The following ITCH variants were observed in gnomAD, a reference collection of about 807,000 sequenced individuals.
ITCH encodes itchy E3 ubiquitin protein ligase, also known as E3 ubiquitin-protein ligase Itchy homolog.
Under a neutral mutation model 126.8 loss-of-function variants are expected in ITCH, and 28 were observed. The observed-to-expected ratio is 0.22, with a 90% CI of 0.16 to 0.30. ITCH has a LOEUF of 0.30. Ranked by LOEUF, ITCH falls within the 10% of genes least tolerant of loss-of-function variation. The pLI is 1.00. For synonymous variants in ITCH, 342 were observed against 340.0 expected (o/e 1.01, Z -0.06); for missense variants, 631 against 1,032.4 (o/e 0.61, Z 5.33).
chr20:34,378,877 A>T (rs2123039786), intron 2 of ITCH, among the ~76,000 whole-genome samples: 1 of 152,272 alleles, frequency 6.6e-6, no homozygotes, highest in East Asian at 1.9e-4. Flanking sequence ...AAAATATGGA[A>T]CACTTGGTGA....
At chr20:34,454,932 C>T (rs999125416) in intron 12 of ITCH, among the ~76,000 whole-genome samples, 3 of 147,732 alleles carry the variant, frequency 2.0e-5, no homozygotes, top group African/African-American at 5.0e-5. Context: ...CGGGTTCAAG[C>T]GATTCTCCTG....
At chr20:34,507,148 A>G (rs1357570871) in intron 24 of ITCH, among the ~76,000 whole-genome samples, 1 of 151,720 alleles carries the variant, frequency 6.6e-6, no homozygotes. Context: ...TTTTTGGGGG[A>G]ATCTCGCCAT....
chr20:34,426,289 A>G (rs1261742732), intron 7 of ITCH, among the ~76,000 whole-genome samples: 1 of 152,222 alleles, frequency 6.6e-6, no homozygotes, highest in Admixed American at 6.5e-5. Context: ...AATTATCCAC[A>G]AAGATGGGAT....
At chr20:34,480,802 T>C (rs539758717) in intron 19 of ITCH, 70 bp downstream of exon 19, 1 of 1,257,990 alleles carries the variant, frequency 7.9e-7, no homozygotes, top group African/African-American at 1.5e-5. Flanking sequence ...TGATAACTTA[T>C]CCAAACTGTA....
intron 2 of ITCH, among the ~76,000 whole-genome samples, chr20:34,391,455 TA>T (rs1226266386): frequency 6.6e-6 from 1 of 152,200 alleles, no homozygotes; most frequent in East Asian, 1.9e-4. Flanking sequence ...TCTGCAGCTT[TA>T]AAGATGTTCT....
At chr20:34,364,381 G>A (rs147713717) in intron 1 of ITCH, among the ~76,000 whole-genome samples, 5 of 152,150 alleles carry the variant, frequency 3.3e-5, no homozygotes, top group Non-Finnish European at 5.9e-5. Flanking sequence ...AGACCCTGGA[G>A]CCAGCCACCC....
At chr20:34,412,389 T>G (rs1268811070) in intron 4 of ITCH, 126 bp from the exon 5 acceptor site, 2 of 682,896 alleles carry the variant, frequency 2.9e-6, no homozygotes. Context: ...CAATATTGAT[T>G]GTATAGTAAA....
At chr20:34,410,001 A>G (rs954732154) in intron 4 of ITCH, among the ~76,000 whole-genome samples, 3 of 151,758 alleles carry the variant, frequency 2.0e-5, no homozygotes, top group African/African-American at 4.8e-5. Context: ...GTGAATTGCT[A>G]CTGAACTCTA....
At chr20:34,460,725 A>C (rs187966935) in intron 13 of ITCH, among the ~76,000 whole-genome samples, 1 of 152,154 alleles carries the variant, frequency 6.6e-6, no homozygotes, top group Non-Finnish European at 1.5e-5. Flanking sequence ...AATACTTCAT[A>C]AATAACATAT....
At chr20:34,418,488 A>G (rs1391644778) in intron 6 of ITCH, among the ~76,000 whole-genome samples, 1 of 152,028 alleles carries the variant, frequency 6.6e-6, no homozygotes, top group Non-Finnish European at 1.5e-5. Flanking sequence ...AACCATTTTC[A>G]TATGTGAATA....
chr20:34,507,263 G>GTTTTTTTTTTTT (rs776161631), intron 24 of ITCH, among the ~76,000 whole-genome samples: 46 of 39,148 alleles, frequency 1.2e-3, no homozygotes, highest in East Asian at 2.6e-3. Flanking sequence ...GTTTTCTTCT[G>GTTTTTTTTTTTT]TTTTTTTTTT....
intron 3 of ITCH, among the ~76,000 whole-genome samples, chr20:34,397,878 G>A (rs1601803324): frequency 6.6e-6 from 1 of 151,664 alleles, no homozygotes; most frequent in African/African-American, 2.4e-5. Context: ...GATTACATAA[G>A]TAATATACAT....
intron 3 of ITCH, among the ~76,000 whole-genome samples, chr20:34,394,356 A>G (rs754200213): frequency 9.2e-5 from 14 of 152,156 alleles, no homozygotes; most frequent in Non-Finnish European, 1.8e-4. Flanking sequence ...GATATTTTAC[A>G]GTTTTTTTTT....
rs1171765663 is a variant in ITCH, at chr20:34,364,724, C to CAA, written c.-99+1393_-99+1394dup. ...TGAAACCCCGTCTCTACTAAAAATA[C>CAA]AAAAAAAAAAAAAAAAAAATCCTGG... On this transcript the variant is annotated intron_variant, in intron 1 of 24. Coordinates refer to ENST00000374864, the MANE Select transcript of ITCH (RefSeq NM_031483.7). Among the ~76,000 whole-genome samples, 23 of 45,568 alleles carry CAA rather than the reference C, an allele frequency of 5.0e-4. 1 individual carries two copies. Among genetic ancestry groups the CAA allele is most frequent in the African/African-American group, 1.2e-3 (10 of 8,432 alleles). 29.9% of individuals were successfully genotyped at this position (45,568 alleles called of 152,430 possible).
intron 20 of ITCH, among the ~76,000 whole-genome samples, chr20:34,488,993 T>G (rs540152350): frequency 1.3e-5 from 2 of 152,258 alleles, no homozygotes; most frequent in Non-Finnish European, 2.9e-5. Context: ...GAGCCAAGAT[T>G]GTGCCACTGT....
intron 11 of ITCH, among the ~76,000 whole-genome samples, chr20:34,448,506 TAAAG>T (rs1984754570): frequency 6.6e-6 from 1 of 152,066 alleles, no homozygotes. Context: ...AGAAAAGAGA[TAAAG>T]AAACTTGGCA....
intron 23 of ITCH, among the ~76,000 whole-genome samples, chr20:34,498,231 T>C (rs1241924320): frequency 6.6e-6 from 1 of 152,222 alleles, no homozygotes; most frequent in East Asian, 1.9e-4. Context: ...TAATTTTTTA[T>C]TGGTGGAGTT....
chr20:34,385,618 G>A (rs1283769960), intron 2 of ITCH, among the ~76,000 whole-genome samples: 1 of 152,152 alleles, frequency 6.6e-6, no homozygotes, highest in African/African-American at 2.4e-5. Context: ...ATTAGGTACA[G>A]AGTTCAAACC....
At chr20:34,463,558 C>T (rs1044581070) in intron 14 of ITCH, among the ~76,000 whole-genome samples, 14 of 151,596 alleles carry the variant, frequency 9.2e-5, no homozygotes, top group Admixed American at 9.2e-4. Context: ...TACATTTCCA[C>T]CCTAGTGCAG....
Sources: allele counts gnomAD v4.1 joint callset (sites outside exome capture counted in the v4.1 genomes callset), GRCh38; gene constraint gnomAD v4.1.1; transcripts MANE v1.5; gene names NCBI Gene and HGNC (gene_info 2026-07-23, HGNC 2026-07-21).